ZBTB38: variants seen among roughly 807,000 people sequenced by gnomAD.
ZBTB38 encodes zinc finger and BTB domain-containing protein 38.
Under a neutral mutation model 76.8 loss-of-function variants are expected in ZBTB38, and 20 were observed. The ratio of observed to expected loss-of-function variants is 0.26; its 90% CI spans 0.18 to 0.38. ZBTB38 has a LOEUF of 0.38. Ranked by LOEUF, ZBTB38 falls within the 10% of genes least tolerant of loss-of-function variation. The probability of loss-of-function intolerance (pLI) is 1.00; values close to 1 mark genes in which losing one functional copy is unlikely to be tolerated. For synonymous variants in ZBTB38, 504 were observed against 544.2 expected (o/e 0.93, Z 1.03); for missense variants, 1,082 against 1,482.3 (o/e 0.73, Z 4.43).
chr3:141,442,845 C>T lies in ZBTB38; in HGVS notation c.457C>T (p.His153Tyr). Residue 153 changes from histidine to tyrosine, a missense_variant, in exon 6 of 6, where the codon CAT becomes TAT. Physicochemically the swap from His to Tyr is moderately conservative, Grantham distance 83. Transcript: ENST00000321464. This position sits in a 1 kb window ranked among gnomAD's most constrained non-coding sequence, Gnocchi z 6.4. ...VVKEEKNEKR[H>Y]EEPAITNGPR... ...TAAAGAAGAAAAAAATGAAAAAAGGCATGAAGAACCAGCCATCACTAATGG... is the reference window on the plus strand; with the variant it reads ...TAAAGAAGAAAAAAATGAAAAAAGGTATGAAGAACCAGCCATCACTAATGG... 2 of 1,614,200 alleles carry T rather than the reference C, an allele frequency of 1.2e-6. No individual in the cohort carries two copies. Among genetic ancestry groups the T allele is most frequent in the Non-Finnish European group, 1.7e-6 (2 of 1,180,042 alleles).
rs559635750 is a variant in ZBTB38 at position 141,420,495 on chromosome 3, G to A, written c.-1+16464G>A. Among the ~76,000 whole-genome samples the A allele has an allele frequency of 3.7e-4, 57 of 152,330 alleles. 1 individual carries two copies. The highest frequency in any genetic ancestry group is 1.3e-3 in the African/African-American group (54 of 41,576). On this transcript the variant is annotated intron_variant, in intron 5 of 5. Coordinates refer to ENST00000321464, the MANE Select transcript of ZBTB38 (RefSeq NM_001376113.1). Reference sequence around the variant, plus strand: ...AGAGCTTACTTGCCTTGTGGCCTCAGTACCTTGATTCCAAACATATTGATG... The same window carrying A: ...AGAGCTTACTTGCCTTGTGGCCTCAATACCTTGATTCCAAACATATTGATG...
intron 1 of ZBTB38, among the ~76,000 whole-genome samples, chr3:141,345,825 G>A (rs778725068): frequency 7.9e-5 from 12 of 151,990 alleles, no homozygotes; most frequent in African/African-American, 1.7e-4. Flanking sequence ...TAACAGCTTA[G>A]TTTTCCCCCA....
In ZBTB38 at chr3:141,442,778, C is replaced by T; in HGVS notation, c.390C>T (p.Ser130=). The T allele has an allele frequency of 6.2e-7, 1 of 1,614,102 alleles. No homozygotes were observed. The highest frequency in any genetic ancestry group is 1.1e-5 in the South Asian group (1 of 91,078). Residue 130 remains serine (S), a synonymous_variant, in exon 6 of 6, where the codon TCC becomes TCT. Transcript: ENST00000321464. The surrounding 1 kb of genome is among the most constrained non-coding windows in gnomAD (Gnocchi z 6.4). ...TTACTGATCGCAACTTCTCAAATTC[C>T]CCGGGTCCCTATGTATTCTGTATTA... ...EDLTDRNFSN[S]PGPYVFCITE... is the part of the protein sequence containing the mutation.
chr3:141,431,553 A>T (rs2077615226), intron 5 of ZBTB38, among the ~76,000 whole-genome samples: 1 of 151,848 alleles, frequency 6.6e-6, no homozygotes, highest in African/African-American at 2.4e-5. Flanking sequence ...AAAAAGAAAA[A>T]AGAAACCCAG....
chr3:141,332,355 C>G (rs1018132119), intron 1 of ZBTB38, among the ~76,000 whole-genome samples: 5 of 152,178 alleles, frequency 3.3e-5, no homozygotes, highest in Non-Finnish European at 7.3e-5. Flanking sequence ...TGTCTACACA[C>G]CCCTTCTCTT....
At position 141,442,539 on chromosome 3, in the gene ZBTB38, C is replaced by A; in HGVS notation, c.151C>A (p.Leu51Met). Residue 51 changes from leucine to methionine, a missense_variant, in exon 6 of 6, where the codon CTG (leucine) becomes ATG (methionine). This residue lies in a region of ZBTB38 where 68 missense variants were observed against 153.0 expected (regional missense o/e 0.44). Transcript: ENST00000321464. The surrounding 1 kb of genome is among the most constrained non-coding windows in gnomAD (Gnocchi z 6.4). The stretch of plus-strand genomic sequence containing the variant: ...CAAATTTAAAGCCCATAGCAATGTT[C>A]TGGCAGCTTCAAGCCTGTATTTTAA... ...DTKFKAHSNV[L>M]AASSLYFKNI... The A allele has an allele frequency of 6.2e-7, 1 of 1,614,210 alleles. No homozygotes were observed. The highest frequency in any genetic ancestry group is 8.5e-7 in the Non-Finnish European group (1 of 1,180,038).
rs2081335702 is a variant in ZBTB38 at position 141,449,404 on chromosome 3, T to C, written c.*3428T>C. 6.6e-6 allele frequency: 1 copy of C among 152,186 alleles called. No individual in the cohort carries two copies. The highest frequency in any genetic ancestry group is 1.5e-5 in the Non-Finnish European group (1 of 68,034). 9.4% of individuals were successfully genotyped at this position (152,186 alleles called of 1,614,324 possible). Reference sequence around the variant, plus strand: ...AATCAGTAAAATTTGTGCACTTTTTTAAGGATATGGAGTAAAATTGTAATA... The same window carrying C: ...AATCAGTAAAATTTGTGCACTTTTTCAAGGATATGGAGTAAAATTGTAATA... On this transcript the variant is annotated 3_prime_UTR_variant, in exon 6 of 6. Coordinates refer to ENST00000321464, the MANE Select transcript of ZBTB38 (RefSeq NM_001376113.1).
At chr3:141,375,446 G>A (rs540617295) in intron 2 of ZBTB38, among the ~76,000 whole-genome samples, 6 of 152,270 alleles carry the variant, frequency 3.9e-5, no homozygotes, top group South Asian at 4.2e-4. Flanking sequence ...AGGCATGCCC[G>A]TACTTCAAGA....
intron 1 of ZBTB38, among the ~76,000 whole-genome samples, chr3:141,327,798 C>G (rs1450798506): frequency 1.3e-5 from 2 of 152,154 alleles, no homozygotes; most frequent in Non-Finnish European, 2.9e-5. Flanking sequence ...TTTGTACTAT[C>G]TTGTCAACTT....
chr3:141,349,319 A>G lies in ZBTB38; in HGVS notation c.-738-19302A>G, dbSNP rs192242676. ...ATAGTTATAAAACACTGCAATTAGT[A>G]CATTATATATTAATTCATTTAATAT... On this transcript the variant is annotated intron_variant, in intron 1 of 7. Coordinates refer to the ZBTB38 transcript ENST00000509842. 2.8e-4 allele frequency among the ~76,000 whole-genome samples: 43 copies of G among 152,360 alleles called. No individual in the cohort carries two copies. The East Asian group carries it at 7.3e-3, about 26-fold the overall frequency.
At chr3:141,350,324 ATATTG>A (rs1488175659) in intron 1 of ZBTB38, among the ~76,000 whole-genome samples, 1 of 152,198 alleles carries the variant, frequency 6.6e-6, no homozygotes, top group Non-Finnish European at 1.5e-5. Flanking sequence ...ACCATGAAAA[ATATTG>A]TAGGTTTAGT....
rs1377450106 is a variant in ZBTB38, at chr3:141,444,975, G to C, written c.2587G>C (p.Gly863Arg). The change falls in exon 6 of 6, where the codon GGG becomes CGG. Residue 863 changes from glycine (G) to arginine (R), a missense_variant. Transcript: ENST00000321464. The surrounding 1 kb of genome is among the most constrained non-coding windows in gnomAD (Gnocchi z 5.1). Reference protein sequence around the residue: ...ILGSKLFYKRGRRPKYQMQEE... With the variant: ...ILGSKLFYKRRRRPKYQMQEE... ...AGGATCTAAATTGTTTTATAAAAGA[G>C]GGAGAAGACCCAAGTATCAGATGCA... 6.2e-7 allele frequency: 1 copy of C among 1,614,188 alleles called. No homozygotes were observed. The highest frequency in any genetic ancestry group is 1.3e-5 in the African/African-American group (1 of 75,034).
chr3:141,402,450 G>GT (rs1339841987), intron 4 of ZBTB38: 1 of 151,228 alleles, frequency 6.6e-6, no homozygotes, highest in Non-Finnish European at 1.5e-5. Context: ...GCCGAGCCCC[G>GT]TAAGTGCCCC....
intron 1 of ZBTB38, among the ~76,000 whole-genome samples, chr3:141,351,421 A>C (rs756474240): frequency 1.3e-5 from 2 of 152,140 alleles, no homozygotes; most frequent in African/African-American, 4.8e-5. Context: ...CTTTTCTTTA[A>C]TAGTACAAAA....
At chr3:141,353,912 A>C (rs1222634325) in intron 1 of ZBTB38, among the ~76,000 whole-genome samples, 1 of 152,158 alleles carries the variant, frequency 6.6e-6, no homozygotes, top group Admixed American at 6.5e-5. Flanking sequence ...GTGGTCTTGC[A>C]GAACAACATG....
chr3:141,367,912 CT>C (rs772569293), upstream of ZBTB38, among the ~76,000 whole-genome samples: 1 of 152,182 alleles, frequency 6.6e-6, no homozygotes, highest in Non-Finnish European at 1.5e-5. Context: ...TAAATATCCC[CT>C]TTAAAGAGTG....
At chr3:141,361,902 T>G (rs572420726) in intron 1 of ZBTB38, among the ~76,000 whole-genome samples, 3 of 152,358 alleles carry the variant, frequency 2.0e-5, no homozygotes, top group Admixed American at 6.5e-5. Flanking sequence ...GTGAGGGATC[T>G]ACAACACTGG....
At position 141,432,261 on chromosome 3, in the gene ZBTB38, G is replaced by C. The variant is rs547445184; in HGVS notation, c.1-10128G>C. 4.4e-5 allele frequency: 43 copies of C among 985,452 alleles called. No individual in the cohort carries two copies. In the African/African-American group the frequency reaches 7.3e-4, roughly 17 times the overall value. 61.0% of individuals were successfully genotyped at this position (985,452 alleles called of 1,614,324 possible). A position where few individuals can be genotyped will look rare whatever the true frequency, so the allele number is the denominator to read the frequency against. On this transcript the variant is annotated intron_variant, in intron 5 of 5. Transcript: ENST00000321464. ...GATTCCAGGTCAGTATCCTAATACA[G>C]TGCGTTCTTTTTTTAGTTAGGTTTT...
intron 4 of ZBTB38, among the ~76,000 whole-genome samples, chr3:141,392,150 G>A (rs1048593995): frequency 1.3e-5 from 2 of 152,238 alleles, no homozygotes; most frequent in Non-Finnish European, 2.9e-5. Context: ...CAGTAGAGGC[G>A]GCCTGGCTGG....
Sources: gnomAD v4.1 joint callset for allele counts (sites outside exome capture counted in the v4.1 genomes callset) on GRCh38, gnomAD v4.1.1 for gene constraint, gnomAD v4.1.1 regional missense constraint, Gnocchi (gnomAD v3.1) non-coding constraint, MANE v1.5 for transcripts, NCBI Gene and HGNC (gene_info 2026-07-23, HGNC 2026-07-21) for gene names.